Variants in PPP1R3A observed in about 807,000 individuals in gnomAD.
The protein encoded by PPP1R3A is protein phosphatase 1 regulatory subunit 3A, also known as RG1.
In PPP1R3A, 29 loss-of-function variants were observed where a neutral mutation model predicts 41.7. The observed-to-expected ratio is 0.70, with a 90% CI of 0.52 to 0.95. The LOEUF is 0.95. PPP1R3A is among the 40% of genes least tolerant of loss of function. The pLI, the probability that PPP1R3A is intolerant of heterozygous loss-of-function variation, is 0.00. For synonymous variants in PPP1R3A, 485 were observed against 453.4 expected (o/e 1.07, Z -0.89); for missense variants, 1,352 against 1,292.4 (o/e 1.05, Z -0.71).
In PPP1R3A at chr7:113,880,134, A is replaced by AT. The variant is rs1268319887; in HGVS notation, c.967-10dup. ...ATTAAGTGTTGATTTATCTTATGGG[A>AT]TAAAAACAACAAAGAAATAATGACC... is the stretch of plus-strand genomic sequence containing the variant. On this transcript the variant is annotated splice_polypyrimidine_tract_variant and intron_variant, in intron 3 of 3. Transcript: ENST00000284601. The AT allele has an allele frequency of 6.3e-7, 1 of 1,576,768 alleles. No individual in the cohort carries two copies.
intron 1 of PPP1R3A, among the ~76,000 whole-genome samples, chr7:113,896,695 A>T (rs1465071188): frequency 6.6e-6 from 1 of 151,836 alleles, no homozygotes; most frequent in Non-Finnish European, 1.5e-5. Flanking sequence ...AATGCAATTA[A>T]ATCAAGTAAG....
At chr7:113,904,158 C>T (rs1797108092) in intron 1 of PPP1R3A, among the ~76,000 whole-genome samples, 1 of 151,604 alleles carries the variant, frequency 6.6e-6, no homozygotes, top group Admixed American at 6.6e-5. Flanking sequence ...ATAGAAGTTA[C>T]CTAAAAGAGT....
rs1796627139 is a variant in PPP1R3A at position 113,878,929 on chromosome 7, A to G, written c.2163T>C (p.Ile721=). The part of the protein sequence containing the change: ...CELSSLADHG[I]TEKAEAGTAY... ...CTGTACCAGCTTCTGCTTTCTCAGT[A>G]ATGCCATGATCAGCTAGAGAAGACA... The change falls in exon 4 of 4, where the codon ATT becomes ATC. Residue 721 remains isoleucine, a synonymous_variant. Coordinates refer to ENST00000284601, the MANE Select transcript of PPP1R3A (RefSeq NM_002711.4). 1.2e-6 allele frequency: 2 copies of G among 1,613,004 alleles called. No individual in the cohort carries two copies. Among genetic ancestry groups the G allele is most frequent in the African/African-American group, 2.7e-5 (2 of 74,832 alleles).
intron 1 of PPP1R3A, among the ~76,000 whole-genome samples, chr7:113,898,464 T>G (rs544722946): frequency 6.6e-6 from 1 of 151,778 alleles, no homozygotes; most frequent in African/African-American, 2.4e-5. Context: ...AGGGGCATGG[T>G]AGTGAGAGAG....
Position 113,878,017 on chromosome 7 carries a change from C to G in PPP1R3A, c.3075G>C (p.Arg1025Ser). The change falls in exon 4 of 4, where the codon AGG (arginine) becomes AGC (serine). Residue 1025 changes from arginine to serine, a missense_variant. Physicochemically the swap from Arg to Ser is moderately radical, Grantham distance 110. Coordinates refer to ENST00000284601, the MANE Select transcript of PPP1R3A (RefSeq NM_002711.4). ...NKPLENMEEARHENEGLVSSG... is the reference protein window; with the variant it reads ...NKPLENMEEASHENEGLVSSG... ...AGCTTACTAATCCTTCATTTTCATG[C>G]CTTGCTTCTTCCATATTCTCAAGAG... is the stretch of plus-strand genomic sequence containing the variant. 6.2e-7 allele frequency: 1 copy of G among 1,613,258 alleles called. No homozygotes were observed.
At chr7:113,892,541 C>T (rs867326818) in intron 1 of PPP1R3A, among the ~76,000 whole-genome samples, 21 of 152,094 alleles carry the variant, frequency 1.4e-4, no homozygotes, top group Admixed American at 4.6e-4. Context: ...AATATATTTT[C>T]CTTTGGTGTT....
intron 1 of PPP1R3A, among the ~76,000 whole-genome samples, chr7:113,901,148 C>T (rs1797054400): frequency 6.6e-6 from 1 of 151,642 alleles, no homozygotes; most frequent in Non-Finnish European, 1.5e-5. Context: ...CCACCAACTG[C>T]ATGTGTTCAT....
intron 1 of PPP1R3A, among the ~76,000 whole-genome samples, chr7:113,906,520 G>A (rs922174926): frequency 6.6e-6 from 1 of 151,610 alleles, no homozygotes; most frequent in East Asian, 1.9e-4. Context: ...AGGATTGGGG[G>A]ATAAATGTAA....
Position 113,878,630 on chromosome 7 carries a change from TC to T in PPP1R3A, c.2461del (p.Glu821LysfsTer22). The T allele has an allele frequency of 9.9e-6, 16 of 1,613,284 alleles. No individual in the cohort carries two copies. Among genetic ancestry groups the T allele is most frequent in the Non-Finnish European group, 1.4e-5 (16 of 1,179,570 alleles). On this transcript the variant is annotated frameshift_variant, in exon 4 of 4. Transcript: ENST00000284601. LOFTEE classifies it low-confidence loss of function (END_TRUNC). ...NVRVDEMEKE[E>X]TMSMYNPRKT... ...CCTAGGATTGTACATAGACATGGTT[TC>T]TTCCTTCTCCATTTCATCTACACGT... is the stretch of plus-strand genomic sequence containing the variant.
Position 113,879,040 on chromosome 7 carries a change from G to T in PPP1R3A, c.2052C>A (p.Asp684Glu). The T allele has an allele frequency of 6.2e-7, 1 of 1,613,524 alleles. No homozygotes were observed. The highest frequency in any genetic ancestry group is 2.2e-5 in the East Asian group (1 of 44,846). The change falls in exon 4 of 4, where the codon GAC (aspartate) becomes GAA (glutamate). Residue 684 changes from aspartate to glutamate, a missense_variant. Physicochemically the swap from Asp to Glu is conservative, Grantham distance 45 (BLOSUM62 2). Coordinates refer to ENST00000284601, the MANE Select transcript of PPP1R3A (RefSeq NM_002711.4). ...EHIKGQTDCE[D>E]VWGKRDNTRS... ...TCGTATTATCTCTTTTTCCCCACAC[G>T]TCTTCACAATCTGTTTGTCCTTTGA...
At chr7:113,914,633 C>T (rs910676238) in intron 1 of PPP1R3A, among the ~76,000 whole-genome samples, 3 of 152,118 alleles carry the variant, frequency 2.0e-5, no homozygotes, top group Non-Finnish European at 4.4e-5. Context: ...TTTTCAGATA[C>T]ACCTAAAGCT....
At chr7:113,891,091 A>C (rs928668627) in intron 1 of PPP1R3A, among the ~76,000 whole-genome samples, 7 of 147,846 alleles carry the variant, frequency 4.7e-5, no homozygotes, top group African/African-American at 1.2e-4. Flanking sequence ...AAGCAAAAAA[A>C]AAAAAAAAAA....
intron 1 of PPP1R3A, among the ~76,000 whole-genome samples, chr7:113,899,512 C>A (rs1343345397): frequency 6.6e-6 from 1 of 151,656 alleles, no homozygotes; most frequent in Non-Finnish European, 1.5e-5. Context: ...GCCACATTTT[C>A]CAAAGTGTTA....
intron 1 of PPP1R3A, among the ~76,000 whole-genome samples, chr7:113,906,281 T>G (rs1797144977): frequency 6.6e-6 from 1 of 151,840 alleles, no homozygotes; most frequent in Admixed American, 6.6e-5. Context: ...TCTGTTGTTT[T>G]TAACATATGT....
chr7:113,881,453 A>G (rs1300127716), intron 3 of PPP1R3A, among the ~76,000 whole-genome samples: 1 of 152,056 alleles, frequency 6.6e-6, no homozygotes, highest in Non-Finnish European at 1.5e-5. Flanking sequence ...AATAGATTGA[A>G]TGCTCACCAA....
In PPP1R3A at chr7:113,878,039, AG is replaced by A; in HGVS notation, c.3052del (p.Glu1019ArgfsTer13). On this transcript the variant is annotated frameshift_variant, in exon 4 of 4. Coordinates refer to ENST00000284601, the MANE Select transcript of PPP1R3A (RefSeq NM_002711.4). LOFTEE classifies it high-confidence loss of function. Reference sequence around the variant, plus strand: ...ATGCCTTGCTTCTTCCATATTCTCAAGAGGTTTGTTGATTAAAATCATTGGC... The same window carrying A: ...ATGCCTTGCTTCTTCCATATTCTCAAAGGTTTGTTGATTAAAATCATTGGC... The part of the protein sequence containing the change: ...LGPMILINKP[L>X]ENMEEARHEN... 1.2e-5 allele frequency: 20 copies of A among 1,613,306 alleles called. No homozygotes were observed. Among genetic ancestry groups the A allele is most frequent in the Non-Finnish European group, 1.7e-5 (20 of 1,179,606 alleles).
intron 1 of PPP1R3A, among the ~76,000 whole-genome samples, chr7:113,893,693 T>A (rs1796930147): frequency 6.6e-6 from 1 of 152,070 alleles, no homozygotes; most frequent in Non-Finnish European, 1.5e-5. Context: ...AATATGTTTG[T>A]GACCAGATTG....
chr7:113,891,351 C>T (rs1454733173), intron 1 of PPP1R3A, among the ~76,000 whole-genome samples: 2 of 152,002 alleles, frequency 1.3e-5, no homozygotes, highest in Non-Finnish European at 2.9e-5. Flanking sequence ...ATTAATTCTA[C>T]ATTATCACAA....
intron 2 of PPP1R3A, 42 bp downstream of exon 2, chr7:113,882,219 CA>C (rs753637606): frequency 7.6e-6 from 12 of 1,581,414 alleles, no homozygotes; most frequent in Admixed American, 5.0e-5. Context: ...TAGACTTTCA[CA>C]AAAGAGACAA....
Sources: gnomAD v4.1 joint callset for allele counts (sites outside exome capture counted in the v4.1 genomes callset) on GRCh38, gnomAD v4.1.1 for gene constraint, MANE v1.5 for transcripts, NCBI Gene and HGNC (gene_info 2026-07-23, HGNC 2026-07-21) for gene names.